Variants in DCAF10 observed in about 807,000 individuals in gnomAD.
DCAF10 encodes the protein DDB1- and CUL4-associated factor 10.
Under a neutral mutation model 51.9 loss-of-function variants are expected in DCAF10, and 19 were observed. The observed-to-expected ratio is 0.37, with a 90% confidence interval of 0.26 to 0.54. The LOEUF (loss-of-function observed/expected upper bound fraction) is 0.54, where lower values mean the gene tolerates loss of function less well. DCAF10 is among the 20% of genes least tolerant of loss of function. The probability of loss-of-function intolerance (pLI) is 0.87; values close to 1 mark genes in which losing one functional copy is unlikely to be tolerated. For missense variants in DCAF10, 510 were observed against 730.6 expected (o/e 0.70, Z 3.48); for synonymous variants, 291 against 297.1 (o/e 0.98, Z 0.21).
Position 37,800,836 on chromosome 9 carries a change from TGGCCCGGAGCGGGGGGCGGG to T in DCAF10, c.-27_-8del. The T allele has an allele frequency of 6.7e-7, 1 of 1,486,562 alleles. No homozygotes were observed. The allele number at this position is 1,486,562 out of a possible 1,614,324, so 92.1% of individuals were successfully genotyped here. A position where few individuals can be genotyped will look rare whatever the true frequency, so the allele number is the denominator to read the frequency against. ...ACTGAGGTGTCGGCCGGCGGGGCAG[TGGCCCGGAGCGGGGGGCGGG>T]GGCGTTGATCATGTTTCCCTTTGGG... On this transcript the variant is annotated 5_prime_UTR_variant, in exon 1 of 7. Coordinates refer to ENST00000377724, the MANE Select transcript of DCAF10 (RefSeq NM_024345.5).
In DCAF10 at chr9:37,867,033, T is replaced by A. The variant is rs1831150735; in HGVS notation, c.*5525T>A. 6.6e-6 allele frequency: 1 copy of A among 152,216 alleles called. No homozygotes were observed. Among genetic ancestry groups the A allele is most frequent in the Non-Finnish European group, 1.5e-5 (1 of 68,040 alleles). 9.4% of individuals were successfully genotyped at this position (152,216 alleles called of 1,614,324 possible). ...TGTCTCATTATAAAATAAGATTATA[T>A]GAAATTTATATTCTAGAAATGATTC... On this transcript the variant is annotated 3_prime_UTR_variant, in exon 7 of 7. Transcript: ENST00000377724.
In DCAF10 at chr9:37,829,223, TG is replaced by T. The variant is rs1170107614; in HGVS notation, c.653+9823del. Among the ~76,000 whole-genome samples, 1 of 152,106 alleles carries T rather than the reference TG, an allele frequency of 6.6e-6. No homozygotes were observed. Among genetic ancestry groups the T allele is most frequent in the Non-Finnish European group, 1.5e-5 (1 of 68,012 alleles). On this transcript the variant is annotated intron_variant, in intron 2 of 6. Coordinates refer to ENST00000377724, the MANE Select transcript of DCAF10 (RefSeq NM_024345.5). This position sits in a 1 kb window ranked among gnomAD's most constrained non-coding sequence, Gnocchi z 4.2. The stretch of plus-strand genomic sequence containing the variant: ...TTCCCGCACTTTTGGGTGGATCACC[TG>T]AGGTAGGGAGTTCGAGACCAGCCTG...
Position 37,857,303 on chromosome 9 carries a change from G to C in DCAF10, c.1117G>C (p.Asp373His), listed in dbSNP as rs764347836. ...RVSGSPCHHS[D>H]SNSSEKHMSR... ...TTCTGGCTCACCTTGTCATCATAGT[G>C]ATTCTAATTCTTCTGAGAAACACAT... Residue 373 changes from aspartate (D) to histidine (H), a missense_variant, in exon 5 of 7, where the codon GAT (aspartate) becomes CAT (histidine). Transcript: ENST00000377724. 110 of 1,611,258 alleles carry C rather than the reference G, an allele frequency of 6.8e-5. 1 individual carries two copies. In the South Asian group the frequency reaches 1.2e-3, roughly 17 times the overall value.
chr9:37,836,299 C>A, intron 2 of DCAF10: 2 of 1,601,036 alleles, frequency 1.2e-6, no homozygotes, highest in Non-Finnish European at 1.7e-6. Flanking sequence ...GAAAGGGTTG[C>A]CATGGAAGTA....
chr9:37,830,949 G>A (rs1201953414), intron 2 of DCAF10, among the ~76,000 whole-genome samples: 1 of 152,196 alleles, frequency 6.6e-6, no homozygotes, highest in Admixed American at 6.5e-5. Flanking sequence ...TTGGCTGGGC[G>A]CAGTGGCTCA....
chr9:37,852,608 G>A (rs1168045956), intron 3 of DCAF10, among the ~76,000 whole-genome samples: 1 of 151,942 alleles, frequency 6.6e-6, no homozygotes, highest in Non-Finnish European at 1.5e-5. Flanking sequence ...TTAAAAGAGT[G>A]AAATAAAGAT....
chr9:37,820,528 A>G lies in DCAF10; in HGVS notation c.653+1127A>G, dbSNP rs116692128. Among the ~76,000 whole-genome samples the G allele has an allele frequency of 5.4e-3, 816 of 152,346 alleles. 6 individuals are homozygous for G. The highest frequency in any genetic ancestry group is 0.019 in the African/African-American group (775 of 41,588). On this transcript the variant is annotated intron_variant, in intron 2 of 6. Transcript: ENST00000377724. Reference sequence around the variant, plus strand: ...AAAGAGCTATTCACTACCCGAGACTATAAGTTTTAGCTGATAAAAACACAG... The same window carrying G: ...AAAGAGCTATTCACTACCCGAGACTGTAAGTTTTAGCTGATAAAAACACAG...
chr9:37,809,110 A>G (rs1180510706), intron 1 of DCAF10, among the ~76,000 whole-genome samples: 3 of 151,252 alleles, frequency 2.0e-5, no homozygotes, highest in African/African-American at 2.4e-5. Flanking sequence ...AAAAAAAAAG[A>G]TAACTAGAAA....
chr9:37,865,137 G>T lies in DCAF10; in HGVS notation c.*3629G>T, dbSNP rs997624396. 1.3e-5 allele frequency: 2 copies of T among 151,310 alleles called. No homozygotes were observed. Among genetic ancestry groups the T allele is most frequent in the Non-Finnish European group, 2.9e-5 (2 of 67,930 alleles). 9.4% of individuals were successfully genotyped at this position (151,310 alleles called of 1,614,324 possible). A position where few individuals can be genotyped will look rare whatever the true frequency, so the allele number is the denominator to read the frequency against. On this transcript the variant is annotated 3_prime_UTR_variant, in exon 7 of 7. Transcript: ENST00000377724. ...TGTATCATGTAAAAAAAATTCATAA[G>T]ATTAACAATTTCCATGAGAATATCA...
At chr9:37,804,567 G>A (rs975250455) in intron 1 of DCAF10, among the ~76,000 whole-genome samples, 6 of 152,072 alleles carry the variant, frequency 3.9e-5, no homozygotes, top group African/African-American at 1.2e-4. Context: ...ACCTGAGGTT[G>A]GGAGTTCGAG....
intron 2 of DCAF10, among the ~76,000 whole-genome samples, chr9:37,831,510 C>A (rs1830006006): frequency 6.6e-6 from 1 of 152,202 alleles, no homozygotes; most frequent in African/African-American, 2.4e-5. Context: ...GATCACCTCA[C>A]TGTACTGTTC....
At chr9:37,804,028 T>C (rs577453118) in intron 1 of DCAF10, among the ~76,000 whole-genome samples, 85 of 152,152 alleles carry the variant, frequency 5.6e-4, no homozygotes, top group African/African-American at 2.0e-3. Flanking sequence ...AAATTGATAA[T>C]GTTAATAAAT....
chr9:37,814,121 TATATATTTGTTG>T (rs1260047111), intron 1 of DCAF10, among the ~76,000 whole-genome samples: 1 of 87,466 alleles, frequency 1.1e-5, no homozygotes, highest in East Asian at 2.9e-4. Flanking sequence ...TATATATATA[TATATATTTGTTG>T]TTGTTGTTGT....
intron 2 of DCAF10, 114 bp from the exon 3 acceptor site, chr9:37,841,975 G>A: frequency 1.1e-6 from 1 of 898,408 alleles, no homozygotes; most frequent in Non-Finnish European, 1.7e-6. Flanking sequence ...TAGTGAGTGT[G>A]TAGTCCTTTT....
chr9:37,803,451 TTA>T (rs1369043895), intron 1 of DCAF10, among the ~76,000 whole-genome samples: 8 of 151,934 alleles, frequency 5.3e-5, no homozygotes, highest in African/African-American at 1.9e-4. Flanking sequence ...CTAGAATGAG[TTA>T]TTGTTATGAA....
At chr9:37,853,766 G>C (rs1285163867) in intron 3 of DCAF10, among the ~76,000 whole-genome samples, 2 of 151,976 alleles carry the variant, frequency 1.3e-5, no homozygotes, top group Admixed American at 1.3e-4. Flanking sequence ...ACAGGGTCTT[G>C]CTATGTTGCC....
intron 3 of DCAF10, among the ~76,000 whole-genome samples, chr9:37,850,665 ACATTT>A (rs1190865094): frequency 2.0e-5 from 3 of 151,580 alleles, no homozygotes; most frequent in Non-Finnish European, 4.4e-5. Context: ...AAAAAATACA[ACATTT>A]CAGTTAGGAG....
intron 5 of DCAF10, 134 bp from the exon 6 acceptor site, chr9:37,859,914 T>C: frequency 9.2e-7 from 1 of 1,083,284 alleles, no homozygotes; most frequent in Admixed American, 2.2e-5. Flanking sequence ...CCACGCTCTT[T>C]AACATATGGT....
At chr9:37,839,079 G>A (rs1008587760) in intron 2 of DCAF10, among the ~76,000 whole-genome samples, 1 of 149,412 alleles carries the variant, frequency 6.7e-6, no homozygotes, top group Non-Finnish European at 1.5e-5. Context: ...TTTTTGAGAC[G>A]GAATCTTGCT....
Sources: gnomAD v4.1 joint callset for allele counts (sites outside exome capture counted in the v4.1 genomes callset) on GRCh38, gnomAD v4.1.1 for gene constraint, Gnocchi (gnomAD v3.1) non-coding constraint, MANE v1.5 for transcripts, NCBI Gene and HGNC (gene_info 2026-07-23, HGNC 2026-07-21) for gene names.